The following USP45 variants were observed in gnomAD, a reference collection of about 807,000 sequenced individuals.
USP45 encodes the protein ubiquitin carboxyl-terminal hydrolase 45.
In USP45, 89 loss-of-function variants were observed where a neutral mutation model predicts 95.8. The observed-to-expected ratio is 0.93, with a 90% CI of 0.78 to 1.11. The LOEUF (loss-of-function observed/expected upper bound fraction) is 1.11. Among genes scored for constraint, USP45 ranks in the 50% least tolerant of loss-of-function variants. USP45 has a pLI of 0.00. For missense variants in USP45, 898 were observed against 942.5 expected, an observed-to-expected ratio of 0.95 and a Z score of 0.62; for synonymous variants, 281 against 316.2, an observed-to-expected ratio of 0.89 and a Z score of 1.18.
At position 99,434,188 on chromosome 6, in the gene USP45, TG is replaced by T. The variant is rs1462590103; in HGVS notation, c.*1527del. 1.3e-5 allele frequency: 2 copies of T among 152,116 alleles called. No individual in the cohort carries two copies. The highest frequency in any genetic ancestry group is 1.3e-4 in the Admixed American group (2 of 15,258). 9.4% of individuals were successfully genotyped at this position (152,116 alleles called of 1,614,324 possible). A position where few individuals can be genotyped will look rare whatever the true frequency, so the allele number is the denominator to read the frequency against. ...AATGACATTTTTAAGCTCTGCATTT[TG>T]TATACTATTACCGTCTTTAATTACA... On this transcript the variant is annotated 3_prime_UTR_variant, in exon 18 of 18. Transcript: ENST00000500704.
At chr6:99,497,265 G>A (rs1419206479) in intron 5 of USP45, among the ~76,000 whole-genome samples, 2 of 152,118 alleles carry the variant, frequency 1.3e-5, no homozygotes, top group Admixed American at 6.6e-5. Context: ...GGGGGAGGTA[G>A]AGGGAGTTTT....
intron 5 of USP45, 46 bp from the exon 6 acceptor site, chr6:99,488,866 T>A: frequency 1.4e-6 from 2 of 1,408,560 alleles, no homozygotes; most frequent in Non-Finnish European, 1.9e-6. Context: ...TAAAGATAAA[T>A]ATGTCACTTA....
chr6:99,492,354 AT>A (rs1193131041), intron 5 of USP45, among the ~76,000 whole-genome samples: 1 of 151,260 alleles, frequency 6.6e-6, no homozygotes, highest in African/African-American at 2.4e-5. Context: ...GGCAGTGGCA[AT>A]AAAAAGAGTT....
rs1794419702 is a variant in USP45 at position 99,488,234 on chromosome 6, T to C, written c.680A>G (p.Lys227Arg). Residue 227 changes from lysine (K) to arginine (R), a missense_variant, in exon 7 of 18, where the codon AAA becomes AGA. Transcript: ENST00000500704. ...GTCTGAGGAAGGAAAAATCTTGAGT[T>C]TTGTACTACTTTCTTTGATCTCATT... ...LMNEIKESSTKLKIFPSSDSQ... is the reference protein window; with the variant it reads ...LMNEIKESSTRLKIFPSSDSQ... 2 of 1,612,750 alleles carry C rather than the reference T, an allele frequency of 1.2e-6. No individual in the cohort carries two copies. Among genetic ancestry groups the C allele is most frequent in the Non-Finnish European group, 1.7e-6 (2 of 1,179,510 alleles).
chr6:99,450,079 G>A (rs987202615), intron 13 of USP45, among the ~76,000 whole-genome samples: 11 of 152,088 alleles, frequency 7.2e-5, no homozygotes, highest in Admixed American at 2.0e-4. Flanking sequence ...GAGAAAGCAG[G>A]AAAGATCTAA....
At chr6:99,483,144 T>C (rs1245574387) in intron 7 of USP45, among the ~76,000 whole-genome samples, 1 of 152,204 alleles carries the variant, frequency 6.6e-6, no homozygotes, top group Non-Finnish European at 1.5e-5. Context: ...TAGTTGCTTG[T>C]CACTGTCCTT....
intron 14 of USP45, among the ~76,000 whole-genome samples, chr6:99,444,926 A>C (rs1293663523): frequency 6.6e-6 from 1 of 152,234 alleles, no homozygotes; most frequent in Non-Finnish European, 1.5e-5. Context: ...CCTGAATAAT[A>C]AAGCCTACAT....
intron 12 of USP45, 97 bp downstream of exon 12, chr6:99,464,983 A>G (rs1433737727): frequency 5.5e-6 from 6 of 1,094,510 alleles, no homozygotes; most frequent in Admixed American, 5.7e-5. Flanking sequence ...ATAAAAAATA[A>G]TGACTCTCAG....
chr6:99,446,043 CTCTGTCAAAATCTT>C lies in USP45; in HGVS notation c.1715_1728del (p.Gln572ArgfsTer10), dbSNP rs1562308086. The C allele has an allele frequency of 6.2e-7, 1 of 1,614,020 alleles. No individual in the cohort carries two copies. On this transcript the variant is annotated frameshift_variant, in exon 14 of 18. Coordinates refer to ENST00000500704, the MANE Select transcript of USP45 (RefSeq NM_001346022.3). LOFTEE classifies it high-confidence loss of function. ...TTTGAAATATTTAGTGGCTGATTTT[CTCTGTCAAAATCTT>C]GATCTCCAGTTACAGTGCTGCTCAA...
intron 9 of USP45, among the ~76,000 whole-genome samples, chr6:99,469,445 A>AAT (rs1788767443): frequency 6.9e-6 from 1 of 145,786 alleles, no homozygotes; most frequent in Admixed American, 7.0e-5. Flanking sequence ...CTTTCCAAAA[A>AAT]ATATATATAT....
At chr6:99,467,382 TA>T (rs1788230670) in intron 10 of USP45, among the ~76,000 whole-genome samples, 1 of 152,184 alleles carries the variant, frequency 6.6e-6, no homozygotes. Flanking sequence ...CTATTCTCTC[TA>T]CTTTAATAAA....
At position 99,446,256 on chromosome 6, in the gene USP45, C is replaced by G; in HGVS notation, c.1516G>C (p.Glu506Gln). The G allele has an allele frequency of 6.2e-7, 1 of 1,614,170 alleles. No individual in the cohort carries two copies. Among genetic ancestry groups the G allele is most frequent in the African/African-American group, 1.3e-5 (1 of 75,072 alleles). ...HSESNVDADS[E>Q]PSESESASKQ... The stretch of plus-strand genomic sequence containing the variant: ...GAAGCACTTTCAGATTCTGAAGGCT[C>G]ACTGTCAGCATCAACATTGCTTTCA... Residue 506 changes from glutamate to glutamine, a missense_variant, in exon 14 of 18, where the codon GAG (glutamate) becomes CAG (glutamine). Glu to Gln is a conservative substitution (Grantham distance 29, BLOSUM62 2). Transcript: ENST00000500704.
chr6:99,499,037 A>G (rs1356560875), intron 5 of USP45, among the ~76,000 whole-genome samples: 3 of 152,108 alleles, frequency 2.0e-5, no homozygotes, highest in African/African-American at 4.8e-5. Flanking sequence ...CAGCCTCCCA[A>G]AGTGCTCTGA....
chr6:99,483,794 C>T (rs1429492575), intron 7 of USP45, among the ~76,000 whole-genome samples: 1 of 133,888 alleles, frequency 7.5e-6, no homozygotes, highest in African/African-American at 2.9e-5. Context: ...GCCGAGATTG[C>T]GCCACTGCAG....
intron 5 of USP45, among the ~76,000 whole-genome samples, chr6:99,489,997 GA>G (rs1246074218): frequency 6.6e-6 from 1 of 152,088 alleles, no homozygotes; most frequent in Non-Finnish European, 1.5e-5. Context: ...TTACTAATAT[GA>G]AAACAAAGAA....
At position 99,434,756 on chromosome 6, in the gene USP45, T is replaced by C. The variant is rs908588799; in HGVS notation, c.*960A>G. On this transcript the variant is annotated 3_prime_UTR_variant, in exon 18 of 18. Transcript: ENST00000500704. The stretch of plus-strand genomic sequence containing the variant: ...TTTTTCTGTTAAGAATATAATTCTC[T>C]ATCATTTACAAATATAATTTGGTAA... 36 of 152,332 alleles carry C rather than the reference T, an allele frequency of 2.4e-4. No individual in the cohort carries two copies. Among genetic ancestry groups the C allele is most frequent in the African/African-American group, 8.4e-4 (35 of 41,586 alleles). The allele number at this position is 152,332 out of a possible 1,614,324, so 9.4% of individuals were successfully genotyped here.
rs1196901323 is a variant in USP45, at chr6:99,502,040, T to A, written c.478+1725A>T. 4.7e-6 allele frequency: 6 copies of A among 1,289,406 alleles called. No individual in the cohort carries two copies. In the Admixed American group the frequency reaches 1.5e-4, roughly 33 times the overall value. The allele number at this position is 1,289,406 out of a possible 1,614,324, so 79.9% of individuals were successfully genotyped here. On this transcript the variant is annotated intron_variant, in intron 5 of 17. Transcript: ENST00000500704. ...AGAAAGACCAACCATGTGATTAGAATGTTGGGGGCCTAGAGACTGAGTTAA... is the reference window on the plus strand; with the variant it reads ...AGAAAGACCAACCATGTGATTAGAAAGTTGGGGGCCTAGAGACTGAGTTAA...
Position 99,473,820 on chromosome 6 carries a change from C to G in USP45, c.933+2323G>C, listed in dbSNP as rs1039432043. Among the ~76,000 whole-genome samples the G allele has an allele frequency of 3.1e-3, 174 of 55,612 alleles. 2 individuals carry two copies. Among genetic ancestry groups the G allele is most frequent in the African/African-American group, 0.012 (170 of 14,540 alleles). The allele number at this position is 55,612 out of a possible 152,430, so 36.5% of individuals were successfully genotyped here. A position where few individuals can be genotyped will look rare whatever the true frequency, so the allele number is the denominator to read the frequency against. On this transcript the variant is annotated intron_variant, in intron 9 of 17. Transcript: ENST00000500704. ...CACACACAAATTCACAGAACATCTA[C>G]TATGTGCAAGGCACACAGGACAGAG...
intron 9 of USP45, among the ~76,000 whole-genome samples, chr6:99,473,180 C>G (rs927438581): frequency 6.6e-6 from 1 of 152,056 alleles, no homozygotes; most frequent in Admixed American, 6.6e-5. Flanking sequence ...ATTTTGATTT[C>G]TTCCCAATTC....
Sources: allele counts gnomAD v4.1 joint callset (sites outside exome capture counted in the v4.1 genomes callset), GRCh38; gene constraint gnomAD v4.1.1; transcripts MANE v1.5; gene names NCBI Gene and HGNC (gene_info 2026-07-23, HGNC 2026-07-21).